Variants in GPHN observed in about 807,000 individuals in gnomAD.
The protein encoded by GPHN is gephyrin.
A neutral mutation model predicts 95.5 loss-of-function variants in GPHN; 17 were observed. The observed-to-expected ratio is 0.18, with a 90% CI of 0.12 to 0.27. The LOEUF is 0.27. Among genes scored for constraint, GPHN ranks in the 10% least tolerant of loss-of-function variants. The pLI, the probability that GPHN is intolerant of heterozygous loss-of-function variation, is 1.00. For missense variants in GPHN, 660 were observed against 978.1 expected, an observed-to-expected ratio of 0.67 and a Z score of 4.34; for synonymous variants, 320 against 322.5, an observed-to-expected ratio of 0.99 and a Z score of 0.08.
At chr14:66,538,101 G>A (rs953170577) in intron 1 of GPHN, among the ~76,000 whole-genome samples, 8 of 152,056 alleles carry the variant, frequency 5.3e-5, no homozygotes, top group Non-Finnish European at 7.4e-5. Context: ...CAAAGTGTTG[G>A]GATTACAGGT....
At chr14:67,557,992 T>C in the GPHN span, among the ~76,000 whole-genome samples, 3 of 152,260 alleles carry the variant, frequency 2.0e-5, no homozygotes, top group African/African-American at 7.2e-5. Flanking sequence ...AGACCAAAGT[T>C]GTTGCCTCCT....
chr14:66,670,849 G>T (rs146080220), intron 1 of GPHN, among the ~76,000 whole-genome samples: 145 of 152,190 alleles, frequency 9.5e-4, no homozygotes, highest in African/African-American at 3.3e-3. Context: ...GATTTTGTGG[G>T]CCAAGAGGCA....
At chr14:67,722,894 C>T in the GPHN span, among the ~76,000 whole-genome samples, 1 of 152,182 alleles carries the variant, frequency 6.6e-6, no homozygotes, top group South Asian at 2.1e-4. Flanking sequence ...GCATCTGCGG[C>T]CGGGCAGAGG....
chr14:66,559,639 G>A (rs2060148088), intron 1 of GPHN, among the ~76,000 whole-genome samples: 2 of 151,696 alleles, frequency 1.3e-5, no homozygotes, highest in South Asian at 4.2e-4. Context: ...CTGGATATTA[G>A]CCCCTTGTCA....
chr14:67,303,690 C>T, the GPHN span: 39 of 854,590 alleles, frequency 4.6e-5, no homozygotes, highest in Non-Finnish European at 7.3e-5. Flanking sequence ...TCACTGTTTC[C>T]TGTACTCAAA....
intron 1 of GPHN, among the ~76,000 whole-genome samples, chr14:66,551,727 C>T (rs548062161): frequency 4.6e-5 from 7 of 152,078 alleles, no homozygotes; most frequent in Non-Finnish European, 8.8e-5. Flanking sequence ...TCAGTCATGG[C>T]GGAAGATGAA....
At chr14:66,869,286 A>G (rs968477138) in intron 4 of GPHN, among the ~76,000 whole-genome samples, 5 of 152,244 alleles carry the variant, frequency 3.3e-5, no homozygotes, top group Non-Finnish European at 7.3e-5. Context: ...TCTGTATTGT[A>G]CTAGCATATG....
chr14:67,696,717 C>T, the GPHN span, among the ~76,000 whole-genome samples: 1 of 152,128 alleles, frequency 6.6e-6, no homozygotes, highest in African/African-American at 2.4e-5. Context: ...AATAGGTTCC[C>T]TGTTCAATAG....
chr14:67,287,597 G>A, the GPHN span, among the ~76,000 whole-genome samples: 1 of 152,276 alleles, frequency 6.6e-6, no homozygotes, highest in Admixed American at 6.5e-5. Context: ...CATGTGCAAC[G>A]CTGGTAGGGG....
At chr14:67,039,490 G>T (rs8021098) in intron 10 of GPHN, among the ~76,000 whole-genome samples, 49,425 of 152,098 alleles carry the variant, frequency 0.32, 12,738 homozygotes, top group African/African-American at 0.7. Context: ...AATCTCATCT[G>T]GTTTATTTCA....
At chr14:67,096,031 T>G (rs2077375981) in intron 12 of GPHN, among the ~76,000 whole-genome samples, 1 of 142,204 alleles carries the variant, frequency 7.0e-6, no homozygotes, top group Non-Finnish European at 1.5e-5. Flanking sequence ...TAAATTAGAA[T>G]CTGTATATTC....
intron 2 of GPHN, among the ~76,000 whole-genome samples, chr14:66,684,570 TTAACTG>T (rs1396134710): frequency 6.6e-6 from 1 of 152,162 alleles, no homozygotes; most frequent in East Asian, 1.9e-4. Context: ...GTAATTTACT[TTAACTG>T]TATAGTACAT....
At chr14:66,837,224 GAAAAT>G (rs2061867062) in intron 4 of GPHN, among the ~76,000 whole-genome samples, 1 of 151,684 alleles carries the variant, frequency 6.6e-6, no homozygotes, top group African/African-American at 2.4e-5. Context: ...ACTGGATTAA[GAAAAT>G]GTGGCATATG....
At chr14:66,606,206 A>G (rs1185907127) in intron 1 of GPHN, among the ~76,000 whole-genome samples, 1 of 152,146 alleles carries the variant, frequency 6.6e-6, no homozygotes, top group Admixed American at 6.5e-5. Flanking sequence ...ATTCTTCTGC[A>G]TGTGGCTAGA....
chr14:67,401,861 C>T, the GPHN span, among the ~76,000 whole-genome samples: 5 of 152,064 alleles, frequency 3.3e-5, no homozygotes, highest in Admixed American at 2.0e-4. Flanking sequence ...CGGTGGCTCA[C>T]GCCTGTAATT....
At chr14:67,500,814 G>A in the GPHN span, among the ~76,000 whole-genome samples, 1 of 151,676 alleles carries the variant, frequency 6.6e-6, no homozygotes, top group South Asian at 2.1e-4. Context: ...CTTGTGATCC[G>A]CCCGCCTCGG....
chr14:66,704,565 G>T (rs1237598766), intron 2 of GPHN, among the ~76,000 whole-genome samples: 1 of 151,580 alleles, frequency 6.6e-6, no homozygotes, highest in Non-Finnish European at 1.5e-5. Flanking sequence ...ATGACTCCTG[G>T]GTAAATAATG....
At chr14:66,551,612 A>G (rs1383586042) in intron 1 of GPHN, among the ~76,000 whole-genome samples, 2 of 152,306 alleles carry the variant, frequency 1.3e-5, no homozygotes, top group Admixed American at 1.3e-4. Context: ...GCACGGCTAT[A>G]AAGAAGTTCT....
At chr14:67,172,174 C>G (rs1290962827) in intron 21 of GPHN, among the ~76,000 whole-genome samples, 1 of 152,118 alleles carries the variant, frequency 6.6e-6, no homozygotes, top group Non-Finnish European at 1.5e-5. Context: ...GCCTAACATC[C>G]ACAGGCTGAG....
Sources: gnomAD v4.1 joint callset for allele counts (sites outside exome capture counted in the v4.1 genomes callset) on GRCh38, gnomAD v4.1.1 for gene constraint, MANE v1.5 for transcripts, NCBI Gene and HGNC (gene_info 2026-07-23, HGNC 2026-07-21) for gene names.